The following OR4N5 variants were observed in gnomAD, a reference collection of about 807,000 sequenced individuals.
OR4N5 encodes olfactory receptor 4N5.
For missense variants in OR4N5, 428 were observed against 370.0 expected (o/e 1.16, Z -1.29); for synonymous variants, 155 against 140.6 (o/e 1.10, Z -0.72).
At chr14:20,139,645 C>T (rs1316064616) in intron 1 of OR4N5, among the ~76,000 whole-genome samples, 2 of 152,134 alleles carry the variant, frequency 1.3e-5, no homozygotes, top group Non-Finnish European at 2.9e-5. Flanking sequence ...AATGCTTCCT[C>T]TCTTCATTTA....
chr14:20,141,212 GTAGGAC>G lies in OR4N5; in HGVS notation c.-12+6_-12+11del, dbSNP rs981551194. 2.0e-5 allele frequency: 3 copies of G among 152,140 alleles called. No homozygotes were observed. The highest frequency in any genetic ancestry group is 7.2e-5 in the African/African-American group (3 of 41,436). The allele number at this position is 152,140 out of a possible 1,614,324, so 9.4% of individuals were successfully genotyped here. On this transcript the variant is annotated splice_donor_variant and splice_donor_5th_base_variant and intron_variant, in intron 2 of 2. Coordinates refer to ENST00000641086, the MANE Select transcript of OR4N5 (RefSeq NM_001004724.2). LOFTEE classifies it low-confidence loss of function (5UTR_SPLICE). ...ATTGAACATCTGGAATGAATAAAAG[GTAGGAC>G]TAGGGGAGGGAGCTTCTGACTTAAG...
Position 20,143,953 on chromosome 14 carries a change from A to G in OR4N5, c.218A>G (p.Tyr73Cys), listed in dbSNP as rs190219416. 10 of 1,613,522 alleles carry G rather than the reference A, an allele frequency of 6.2e-6. No individual in the cohort carries two copies. The highest frequency in any genetic ancestry group is 2.2e-5 in the South Asian group (2 of 91,050). The change falls in exon 3 of 3, where the codon TAC becomes TGC. Residue 73 changes from tyrosine (Y) to cysteine (C), a missense_variant. Transcript: ENST00000641086. The stretch of plus-strand genomic sequence containing the variant: ...AACTTGGCCTTACTGGATGCATCCT[A>G]CTCCTTCATTGTGGTTCCCAGGATG... ...LGNLALLDAS[Y>C]SFIVVPRMLV...
At chr14:20,142,632 A>C (rs980953532) in intron 2 of OR4N5, among the ~76,000 whole-genome samples, 5 of 152,194 alleles carry the variant, frequency 3.3e-5, no homozygotes, top group Admixed American at 2.0e-4. Flanking sequence ...TTAGACATGC[A>C]GCATCATATT....
At chr14:20,139,036 T>C (rs1485770437) in intron 1 of OR4N5, 146 bp downstream of exon 1, 3 of 152,128 alleles carry the variant, frequency 2.0e-5, no homozygotes, top group African/African-American at 4.8e-5. Flanking sequence ...GGGTGAGTTG[T>C]AAATTCAGGT....
At chr14:20,139,362 T>A (rs1878570934) in intron 1 of OR4N5, among the ~76,000 whole-genome samples, 1 of 152,148 alleles carries the variant, frequency 6.6e-6, no homozygotes, top group African/African-American at 2.4e-5. Context: ...CACACTCAGT[T>A]ACATGTGTTT....
Position 20,143,796 on chromosome 14 carries a change from C to A in OR4N5, c.61C>A (p.Gln21Lys). 1.2e-6 allele frequency: 2 copies of A among 1,614,002 alleles called. No individual in the cohort carries two copies. The highest frequency in any genetic ancestry group is 2.2e-5 in the South Asian group (2 of 91,066). Residue 21 changes from glutamine to lysine, a missense_variant, in exon 3 of 3, where the codon CAA (glutamine) becomes AAA (lysine). Transcript: ENST00000641086. ...CATTCTTCTTGGTCTGACCCAGTCT[C>A]AAGATGCTCAACTTCTGGTCTTTGT... Reference protein sequence around the residue: ...EFILLGLTQSQDAQLLVFVLV... With the variant: ...EFILLGLTQSKDAQLLVFVLV...
chr14:20,143,127 C>A (rs1594205219), intron 2 of OR4N5, among the ~76,000 whole-genome samples: 1 of 152,290 alleles, frequency 6.6e-6, no homozygotes, highest in South Asian at 2.1e-4. Flanking sequence ...ATATACAGAT[C>A]TTGCTTGCTA....
At chr14:20,141,584 T>C (rs1426360653) in intron 2 of OR4N5, among the ~76,000 whole-genome samples, 2 of 152,186 alleles carry the variant, frequency 1.3e-5, no homozygotes, top group Admixed American at 6.5e-5. Flanking sequence ...CCCCTGAATT[T>C]TCTTACGGAT....
Position 20,143,952 on chromosome 14 carries a change from T to C in OR4N5, c.217T>C (p.Tyr73His), listed in dbSNP as rs1397015351. ...LGNLALLDAS[Y>H]SFIVVPRMLV... ...CAACTTGGCCTTACTGGATGCATCC[T>C]ACTCCTTCATTGTGGTTCCCAGGAT... The change falls in exon 3 of 3, where the codon TAC (tyrosine) becomes CAC (histidine). Residue 73 changes from tyrosine (Y) to histidine (H), a missense_variant. By Grantham distance (83) the Tyr-to-His change is moderately conservative. Coordinates refer to ENST00000641086, the MANE Select transcript of OR4N5 (RefSeq NM_001004724.2). 4 of 1,613,960 alleles carry C rather than the reference T, an allele frequency of 2.5e-6. No homozygotes were observed. Among genetic ancestry groups the C allele is most frequent in the Non-Finnish European group, 3.4e-6 (4 of 1,179,960 alleles).
chr14:20,143,165 A>C (rs1878651318), intron 2 of OR4N5, among the ~76,000 whole-genome samples: 1 of 152,212 alleles, frequency 6.6e-6, no homozygotes, highest in African/African-American at 2.4e-5. Context: ...AAGTAAGAAT[A>C]CACAAGAGCA....
At position 20,143,841 on chromosome 14, in the gene OR4N5, C is replaced by T. The variant is rs769288336; in HGVS notation, c.106C>T (p.Leu36Phe). ...CTTTGTGCTAGTCTTAATTTTCTAC[C>T]TTATCATCCTCCCTGGAAATTTCCT... ...LVFVLVLIFY[L>F]IILPGNFLII... is the part of the protein sequence containing the mutation. Residue 36 changes from leucine to phenylalanine, a missense_variant, in exon 3 of 3, where the codon CTT (leucine) becomes TTT (phenylalanine). Leu to Phe is a conservative substitution (Grantham distance 22). Transcript: ENST00000641086. 6 of 1,613,802 alleles carry T rather than the reference C, an allele frequency of 3.7e-6. No homozygotes were observed. In the African/African-American group the frequency reaches 4.0e-5, roughly 11 times the overall value.
Position 20,144,234 on chromosome 14 carries a change from C to G in OR4N5, c.499C>G (p.Pro167Ala), listed in dbSNP as rs1878684023. The G allele has an allele frequency of 6.2e-7, 1 of 1,613,982 alleles. No individual in the cohort carries two copies. Among genetic ancestry groups the G allele is most frequent in the African/African-American group, 1.3e-5 (1 of 74,912 alleles). Residue 167 changes from proline (P) to alanine (A), a missense_variant, in exon 3 of 3, where the codon CCT becomes GCT. Physicochemically the swap from Pro to Ala is conservative, Grantham distance 27. Coordinates refer to ENST00000641086, the MANE Select transcript of OR4N5 (RefSeq NM_001004724.2). ...IVQVALILHL[P>A]FCGPNQLDNF... is the part of the protein sequence containing the mutation. ...ACAAGTAGCCCTTATCCTGCACTTG[C>G]CTTTCTGTGGCCCAAACCAGCTCGA... is the stretch of plus-strand genomic sequence containing the variant.
chr14:20,141,802 C>A (rs1878620528), intron 2 of OR4N5, among the ~76,000 whole-genome samples: 1 of 152,112 alleles, frequency 6.6e-6, no homozygotes, highest in South Asian at 2.1e-4. Flanking sequence ...TTAAAGTATA[C>A]AAATTCAATG....
intron 2 of OR4N5, among the ~76,000 whole-genome samples, chr14:20,142,696 T>TA (rs148788393): frequency 1.4e-4 from 21 of 152,178 alleles, no homozygotes; most frequent in African/African-American, 4.6e-4. Flanking sequence ...AATAATTCCC[T>TA]AAAAAGTGTA....
Position 20,144,098 on chromosome 14 carries a change from C to T in OR4N5, c.363C>T (p.Asp121=). Residue 121 remains aspartate, a synonymous_variant, in exon 3 of 3, where the codon GAC becomes GAT. Transcript: ENST00000641086. ...EMFLLVVMAF[D]RYIAICRPLH... ...TCCTCCTCGTTGTGATGGCCTTTGA[C>T]CGCTACATCGCCATCTGCCGGCCTT... is the stretch of plus-strand genomic sequence containing the variant. 3 of 1,614,092 alleles carry T rather than the reference C, an allele frequency of 1.9e-6. No individual in the cohort carries two copies. Among genetic ancestry groups the T allele is most frequent in the Non-Finnish European group, 2.5e-6 (3 of 1,179,990 alleles).
Position 20,141,030 on chromosome 14 carries a change from A to G in OR4N5, c.-193A>G, listed in dbSNP as rs1296847711. 1 of 152,212 alleles carries G rather than the reference A, an allele frequency of 6.6e-6. No individual in the cohort carries two copies. Among genetic ancestry groups the G allele is most frequent in the Non-Finnish European group, 1.5e-5 (1 of 68,036 alleles). The allele number at this position is 152,212 out of a possible 1,614,324, so 9.4% of individuals were successfully genotyped here. A position where few individuals can be genotyped will look rare whatever the true frequency, so the allele number is the denominator to read the frequency against. ...AGGAAAGAAGAAAAGTGGATTAAAG[A>G]TGTTGAGTAACATGGAATTTCATCT... On this transcript the variant is annotated 5_prime_UTR_variant, in exon 2 of 3. The change abolishes an upstream ATG in the 5' untranslated region. Transcript: ENST00000641086.
intron 2 of OR4N5, among the ~76,000 whole-genome samples, chr14:20,142,363 T>C (rs1878635222): frequency 6.6e-6 from 1 of 152,132 alleles, no homozygotes; most frequent in Admixed American, 6.6e-5. Flanking sequence ...TCTCCTGACC[T>C]TGTGATCTGC....
chr14:20,141,913 C>G (rs1254866990), intron 2 of OR4N5, among the ~76,000 whole-genome samples: 2 of 152,048 alleles, frequency 1.3e-5, no homozygotes, highest in African/African-American at 4.8e-5. Flanking sequence ...GTATCCACAG[C>G]ACTTTTGAAA....
intron 2 of OR4N5, among the ~76,000 whole-genome samples, chr14:20,142,099 C>T (rs370353929): frequency 4.0e-4 from 60 of 151,898 alleles, no homozygotes; most frequent in Non-Finnish European, 6.6e-4. Flanking sequence ...AATCTCAACA[C>T]GATCATTAAA....
Sources: gnomAD v4.1 joint callset for allele counts (sites outside exome capture counted in the v4.1 genomes callset) on GRCh38, gnomAD v4.1.1 for gene constraint, MANE v1.5 for transcripts, NCBI Gene and HGNC (gene_info 2026-07-23, HGNC 2026-07-21) for gene names.